ZNF268: variants seen among roughly 807,000 people sequenced by gnomAD.
ZNF268 encodes zinc finger protein 3.
In ZNF268, 20 loss-of-function variants were observed where a neutral mutation model predicts 29.3. The ratio of observed to expected loss-of-function variants is 0.68; its 90% CI spans 0.48 to 0.99. The LOEUF is 0.99. Among genes scored for constraint, ZNF268 ranks in the 50% least tolerant of loss-of-function variants. The probability of loss-of-function intolerance (pLI) is 0.00; values close to 1 mark genes in which losing one functional copy is unlikely to be tolerated. For missense variants in ZNF268, 1,240 were observed against 1,121.6 expected (o/e 1.11, Z -1.51); for synonymous variants, 429 against 376.9 (o/e 1.14, Z -1.60).
rs565059550 is a variant in ZNF268, at chr12:133,212,445, T to TTATATATATATATATATATA, written c.*7949_*7968dup. The stretch of plus-strand genomic sequence containing the variant: ...CCAAGGGAGACTTTCATGTGTGATT[T>TTATATATATATATATATATA]TATATATATATATATATATATATAT... On this transcript the variant is annotated 3_prime_UTR_variant, in exon 6 of 6. Transcript: ENST00000536435. 1 of 118,576 alleles carries TTATATATATATATATATATA rather than the reference T, an allele frequency of 8.4e-6. No homozygotes were observed. Among genetic ancestry groups the TTATATATATATATATATATA allele is most frequent in the Non-Finnish European group, 1.8e-5 (1 of 54,230 alleles). 7.3% of individuals were successfully genotyped at this position (118,576 alleles called of 1,614,324 possible). A position where few individuals can be genotyped will look rare whatever the true frequency, so the allele number is the denominator to read the frequency against.
At chr12:133,187,805 G>T in intron 2 of ZNF268, 67 bp from the exon 3 acceptor site, 1 of 1,436,310 alleles carries the variant, frequency 7.0e-7, no homozygotes, top group South Asian at 1.3e-5. Context: ...TATGTGATGT[G>T]ACCCCTATTT....
intron 5 of ZNF268, among the ~76,000 whole-genome samples, chr12:133,194,658 G>C (rs1223515163): frequency 6.6e-6 from 1 of 152,166 alleles, no homozygotes; most frequent in Non-Finnish European, 1.5e-5. Context: ...TATCTCCGTT[G>C]GCTCAGATAA....
intron 2 of ZNF268, among the ~76,000 whole-genome samples, chr12:133,184,481 G>C (rs896874088): frequency 1.3e-5 from 2 of 152,108 alleles, no homozygotes; most frequent in African/African-American, 4.8e-5. Flanking sequence ...GAAGAATGCT[G>C]TGTCCTCACA....
chr12:133,211,209 A>C lies in ZNF268; in HGVS notation c.*6679A>C, dbSNP rs1195293367. On this transcript the variant is annotated 3_prime_UTR_variant, in exon 6 of 6. Coordinates refer to ENST00000536435, the MANE Select transcript of ZNF268 (RefSeq NM_003415.3). ...GAAAAAGTGTTTGTATGCAAAATAT[A>C]AAAAAAAAACCCTAAAATTGAACAA... 1 of 326,144 alleles carries C rather than the reference A, an allele frequency of 3.1e-6. No homozygotes were observed. The highest frequency in any genetic ancestry group is 6.0e-6 in the Non-Finnish European group (1 of 167,868). 20.2% of individuals were successfully genotyped at this position (326,144 alleles called of 1,614,324 possible).
chr12:133,192,693 G>C (rs150272046), intron 5 of ZNF268, among the ~76,000 whole-genome samples: 1 of 150,240 alleles, frequency 6.7e-6, no homozygotes, highest in Non-Finnish European at 1.5e-5. Context: ...TTTTTGAGAC[G>C]GAGTCTCATT....
chr12:133,203,940 T>A lies in ZNF268; in HGVS notation c.2254T>A (p.Tyr752Asn). The change falls in exon 6 of 6, where the codon TAT becomes AAT. Residue 752 changes from tyrosine (Y) to asparagine (N), a missense_variant. By Grantham distance (143) the Tyr-to-Asn change is moderately radical. Around this residue, in one of 3 missense-constraint regions of ZNF268, gnomAD observed 1,177 missense variants for 1,039.6 expected, o/e 1.13. Coordinates refer to ENST00000536435, the MANE Select transcript of ZNF268 (RefSeq NM_003415.3). ...GAGAATTCACACAGGAGAAAATCCC[T>A]ATGAATGCAGTGAATGTGGGAAAGC... ...HQRIHTGENPYECSECGKAFN... is the reference protein window; with the variant it reads ...HQRIHTGENPNECSECGKAFN... The A allele has an allele frequency of 6.3e-7, 1 of 1,594,074 alleles. No individual in the cohort carries two copies. The highest frequency in any genetic ancestry group is 8.5e-7 in the Non-Finnish European group (1 of 1,172,192).
Position 133,204,069 on chromosome 12 carries a change from C to G in ZNF268, c.2383C>G (p.Leu795Val). ...CGKAFSSKSY[L>V]IIHMRTHSGE... ...GAAAGCTTTTAGCAGCAAGTCATAC[C>G]TAATTATACACATGAGAACTCATTC... Residue 795 changes from leucine to valine, a missense_variant, in exon 6 of 6, where the codon CTA (leucine) becomes GTA (valine). Leu to Val is a conservative substitution (Grantham distance 32). This residue lies in a region of ZNF268 where 1,177 missense variants were observed against 1,039.6 expected (regional missense o/e 1.13). Coordinates refer to ENST00000536435, the MANE Select transcript of ZNF268 (RefSeq NM_003415.3). 1 of 1,557,556 alleles carries G rather than the reference C, an allele frequency of 6.4e-7. No individual in the cohort carries two copies. The highest frequency in any genetic ancestry group is 8.7e-7 in the Non-Finnish European group (1 of 1,154,146).
intron 5 of ZNF268, among the ~76,000 whole-genome samples, chr12:133,199,627 G>C (rs1464067669): frequency 6.6e-6 from 1 of 151,596 alleles, no homozygotes; most frequent in Admixed American, 6.6e-5. Flanking sequence ...GTTCCTCCTT[G>C]TACCTCTGGT....
rs774060033 is a variant in ZNF268, at chr12:133,207,506, C to G, written c.*2976C>G. 2 of 152,132 alleles carry G rather than the reference C, an allele frequency of 1.3e-5. No individual in the cohort carries two copies. Among genetic ancestry groups the G allele is most frequent in the Non-Finnish European group, 2.9e-5 (2 of 68,054 alleles). 9.4% of individuals were successfully genotyped at this position (152,132 alleles called of 1,614,324 possible). Reference sequence around the variant, plus strand: ...CTATTATTTATAATGGCAGTATGCCCACTTAAAAAGAGATATATGGGGCCA... The same window carrying G: ...CTATTATTTATAATGGCAGTATGCCGACTTAAAAAGAGATATATGGGGCCA... On this transcript the variant is annotated 3_prime_UTR_variant, in exon 6 of 6. Coordinates refer to ENST00000536435, the MANE Select transcript of ZNF268 (RefSeq NM_003415.3).
At chr12:133,191,028 G>A (rs1356544762) in intron 3 of ZNF268, among the ~76,000 whole-genome samples, 1 of 152,016 alleles carries the variant, frequency 6.6e-6, no homozygotes, top group Admixed American at 6.6e-5. Flanking sequence ...GCTTAAAACT[G>A]TAAAGAGGCC....
chr12:133,188,586 T>G (rs2135491135), intron 3 of ZNF268, among the ~76,000 whole-genome samples: 1 of 152,324 alleles, frequency 6.6e-6, no homozygotes, highest in East Asian at 1.9e-4. Context: ...AATTTTCATC[T>G]CCTTTCCCAT....
rs1249930873 is a variant in ZNF268, at chr12:133,203,424, GGA to G, written c.1743_1744del (p.Lys582AlafsTer3). On this transcript the variant is annotated frameshift_variant, in exon 6 of 6. Transcript: ENST00000536435. LOFTEE classifies it low-confidence loss of function (END_TRUNC). ...QLISHQRTHA[G>X]EKPYECTDCG... The stretch of plus-strand genomic sequence containing the variant: ...TATTTCACACCAGAGAACTCATGCA[GGA>G]GAGAAGCCTTATGAATGCACCGACT... 6.5e-7 allele frequency: 1 copy of G among 1,543,892 alleles called. No individual in the cohort carries two copies. Among genetic ancestry groups the G allele is most frequent in the Non-Finnish European group, 8.7e-7 (1 of 1,149,350 alleles).
chr12:133,212,554 C>T lies in ZNF268; in HGVS notation c.*8024C>T, dbSNP rs1263774358. 2 of 147,362 alleles carry T rather than the reference C, an allele frequency of 1.4e-5. No individual in the cohort carries two copies. The highest frequency in any genetic ancestry group is 2.5e-5 in the African/African-American group (1 of 39,808). 9.1% of individuals were successfully genotyped at this position (147,362 alleles called of 1,614,324 possible). A position where few individuals can be genotyped will look rare whatever the true frequency, so the allele number is the denominator to read the frequency against. On this transcript the variant is annotated 3_prime_UTR_variant, in exon 6 of 6. Transcript: ENST00000536435. ...ATACACATATATATACACATATACACATATATATACACATATATATAATAA... is the reference window on the plus strand; with the variant it reads ...ATACACATATATATACACATATACATATATATATACACATATATATAATAA...
At position 133,211,447 on chromosome 12, in the gene ZNF268, G is replaced by A. The variant is rs36164268; in HGVS notation, c.*6917G>A. ...AAATACAAAATTAGCCAGGCGTGGTGGCGCTACTCTGCCACCAAGTGGTAG... is the reference window on the plus strand; with the variant it reads ...AAATACAAAATTAGCCAGGCGTGGTAGCGCTACTCTGCCACCAAGTGGTAG... On this transcript the variant is annotated 3_prime_UTR_variant, in exon 6 of 6. Transcript: ENST00000536435. The A allele has an allele frequency of 0.46, 87,327 of 188,086 alleles. 21,383 individuals carry two copies. Among genetic ancestry groups the A allele is most frequent in the East Asian group, 0.8 (5,730 of 7,134 alleles). The allele number at this position is 188,086 out of a possible 1,614,324, so 11.7% of individuals were successfully genotyped here.
chr12:133,182,085 G>C (rs1437386883), intron 2 of ZNF268, 55 bp downstream of exon 2: 2 of 1,530,902 alleles, frequency 1.3e-6, no homozygotes, highest in Non-Finnish European at 1.8e-6. Context: ...GCCAACGTGT[G>C]CGCACTCCAT....
At chr12:133,198,980 A>T (rs1351572385) in intron 5 of ZNF268, among the ~76,000 whole-genome samples, 15 of 150,340 alleles carry the variant, frequency 1.0e-4, no homozygotes, top group Admixed American at 8.6e-4. Flanking sequence ...GTCGTCTGCA[A>T]ACAGGGACAA....
intron 2 of ZNF268, among the ~76,000 whole-genome samples, chr12:133,183,409 A>G (rs1325287288): frequency 2.7e-5 from 4 of 150,220 alleles, no homozygotes; most frequent in African/African-American, 5.0e-5. Flanking sequence ...CTGAGACAGG[A>G]GAATCGCTTG....
chr12:133,191,234 G>A (rs184756677), intron 3 of ZNF268, among the ~76,000 whole-genome samples: 4 of 151,660 alleles, frequency 2.6e-5, no homozygotes, highest in South Asian at 2.1e-4. Flanking sequence ...GGAGAATGGC[G>A]TGAACCCAGG....
At chr12:133,198,186 T>G (rs1956659274) in intron 5 of ZNF268, among the ~76,000 whole-genome samples, 1 of 148,286 alleles carries the variant, frequency 6.7e-6, no homozygotes, top group African/African-American at 2.5e-5. Context: ...TTTAAGTCTT[T>G]AATCCATCTT....
Sources: gnomAD v4.1 joint callset for allele counts (sites outside exome capture counted in the v4.1 genomes callset) on GRCh38, gnomAD v4.1.1 for gene constraint, gnomAD v4.1.1 regional missense constraint, MANE v1.5 for transcripts, NCBI Gene and HGNC (gene_info 2026-07-23, HGNC 2026-07-21) for gene names.